POLR1D: variants seen among roughly 807,000 people sequenced by gnomAD.
The protein encoded by POLR1D is RNA polymerase I and III subunit D.
In POLR1D, 8 loss-of-function variants were observed where a neutral mutation model predicts 10.8. The ratio of observed to expected loss-of-function variants is 0.74; its 90% CI spans 0.43 to 1.33. POLR1D has a LOEUF of 1.33. Among genes scored for constraint, POLR1D ranks in the 40% most tolerant of loss-of-function variants. The pLI, the probability that POLR1D is intolerant of heterozygous loss-of-function variation, is 0.01. For missense variants in POLR1D, 152 were observed against 161.7 expected, an observed-to-expected ratio of 0.94 and a Z score of 0.32; for synonymous variants, 54 against 57.2, an observed-to-expected ratio of 0.94 and a Z score of 0.25.
intron 2 of POLR1D, among the ~76,000 whole-genome samples, chr13:27,662,987 T>A (rs997311922): frequency 6.6e-6 from 1 of 152,200 alleles, no homozygotes. Context: ...CACTGTCTCA[T>A]GTAGTGTGAT....
exon 2 of POLR1D, chr13:27,648,429 C>T (rs1956238897): frequency 6.2e-7 from 1 of 1,610,092 alleles, no homozygotes; most frequent in Non-Finnish European, 8.5e-7. Flanking sequence ...AAAACTAGAG[C>T]TGAAACAATG....
At chr13:27,636,887 G>A (rs1452729176) in intron 1 of POLR1D, among the ~76,000 whole-genome samples, 1 of 152,174 alleles carries the variant, frequency 6.6e-6, no homozygotes, top group Non-Finnish European at 1.5e-5. Flanking sequence ...TGGATGAGAT[G>A]GTCCTAATAT....
intron 2 of POLR1D, chr13:27,651,067 A>G (rs994109309): frequency 7.9e-5 from 12 of 152,168 alleles, no homozygotes; most frequent in African/African-American, 2.9e-4. Context: ...TAACCCTTAT[A>G]CCACAGAAAG....
At chr13:27,646,030 A>C (rs956452386) in intron 1 of POLR1D, among the ~76,000 whole-genome samples, 1 of 152,198 alleles carries the variant, frequency 6.6e-6, no homozygotes, top group African/African-American at 2.4e-5. Flanking sequence ...TGACTCAAAT[A>C]AGTTTCTATA....
chr13:27,632,207 A>G (rs1490455206), intron 1 of POLR1D, among the ~76,000 whole-genome samples: 1 of 152,172 alleles, frequency 6.6e-6, no homozygotes, highest in Non-Finnish European at 1.5e-5. Context: ...GGATATTTTT[A>G]CTTTGCAAGA....
intron 1 of POLR1D, among the ~76,000 whole-genome samples, chr13:27,630,429 A>G (rs1012750020): frequency 1.3e-5 from 2 of 152,330 alleles, no homozygotes; most frequent in African/African-American, 4.8e-5. Flanking sequence ...AGTTGGCTTA[A>G]ACAACAGCTT....
intron 1 of POLR1D, 66 bp downstream of exon 1, chr13:27,622,075 C>T (rs566596016): frequency 2.8e-6 from 4 of 1,411,354 alleles, no homozygotes; most frequent in East Asian, 2.4e-5. Flanking sequence ...CCGAGGGGCA[C>T]GCTGCCTGGC....
At chr13:27,645,135 G>A (rs1466060034) in intron 1 of POLR1D, among the ~76,000 whole-genome samples, 1 of 152,170 alleles carries the variant, frequency 6.6e-6, no homozygotes, top group African/African-American at 2.4e-5. Flanking sequence ...GGGAAGTAGC[G>A]AATGCTCAAC....
exon 3 of POLR1D, chr13:27,666,016 A>T: frequency 6.8e-7 from 1 of 1,471,876 alleles, no homozygotes; most frequent in East Asian, 2.3e-5. Flanking sequence ...CGGTGTGCGG[A>T]GAAGGCCTGA....
At chr13:27,625,424 C>A (rs111802146), downstream of POLR1D, among the ~76,000 whole-genome samples, 2 of 152,052 alleles carry the variant, frequency 1.3e-5, no homozygotes, top group Non-Finnish European at 1.5e-5. Flanking sequence ...TGGTACACTT[C>A]AGGAACTGTG....
At chr13:27,659,925 TACACACAC>T (rs1555273998) in intron 2 of POLR1D, among the ~76,000 whole-genome samples, 2 of 149,492 alleles carry the variant, frequency 1.3e-5, no homozygotes, top group Middle Eastern at 3.4e-3. Flanking sequence ...TATATATATA[TACACACAC>T]ATACACACAC....
chr13:27,657,303 G>T, intron 2 of POLR1D, among the ~76,000 whole-genome samples: 1 of 152,270 alleles, frequency 6.6e-6, no homozygotes, highest in Middle Eastern at 3.4e-3. Flanking sequence ...GCCGAGGCAG[G>T]TGGATTGCCC....
chr13:27,631,516 G>A (rs1424995052), intron 1 of POLR1D, among the ~76,000 whole-genome samples: 5 of 152,118 alleles, frequency 3.3e-5, no homozygotes, highest in Non-Finnish European at 5.9e-5. Context: ...CCATCTTAGC[G>A]GCTGCTTACC....
At chr13:27,648,485 T>A in intron 2 of POLR1D, 1 of 1,401,368 alleles carries the variant, frequency 7.1e-7, no homozygotes, top group Non-Finnish European at 1.0e-6. Flanking sequence ...CCTTAAAACT[T>A]AAGAAAAAAT....
intron 1 of POLR1D, among the ~76,000 whole-genome samples, chr13:27,632,738 T>C (rs1381606169): frequency 6.6e-6 from 1 of 151,286 alleles, no homozygotes; most frequent in Non-Finnish European, 1.5e-5. Flanking sequence ...ATATTCATTA[T>C]ATATTGCCTT....
At chr13:27,653,172 T>C (rs1304868685) in intron 2 of POLR1D, among the ~76,000 whole-genome samples, 1 of 152,032 alleles carries the variant, frequency 6.6e-6, no homozygotes, top group African/African-American at 2.4e-5. Context: ...AGTGCTAGGA[T>C]TGCAGGCGTG....
intron 1 of POLR1D, among the ~76,000 whole-genome samples, chr13:27,628,706 A>AT (rs1196261625): frequency 1.3e-5 from 2 of 152,220 alleles, no homozygotes; most frequent in African/African-American, 2.4e-5. Flanking sequence ...TTACCTAACA[A>AT]TTATAGTAAA....
At chr13:27,666,720 T>C (rs1302632909) in exon 3 of POLR1D, 2 of 152,200 alleles carry the variant, frequency 1.3e-5, no homozygotes, top group Non-Finnish European at 2.9e-5. Context: ...TACCACTATA[T>C]AGTATAGTTG....
At position 27,622,013 on chromosome 13, in the gene POLR1D, A is replaced by G; in HGVS notation, c.26+4A>G. 1 of 1,587,338 alleles carries G rather than the reference A, an allele frequency of 6.3e-7. No homozygotes were observed. The highest frequency in any genetic ancestry group is 8.6e-7 in the Non-Finnish European group (1 of 1,167,126). On this transcript the variant is annotated splice_donor_region_variant and intron_variant, in intron 1 of 1. Coordinates refer to ENST00000302979, the MANE Select transcript of POLR1D (RefSeq NM_015972.4). ...AAGAGGATCAGGAGCTGGAGAGGTA[A>G]CGGCCGAGGAGGAGGCGGGCGGAGC...
Sources: gnomAD v4.1 joint callset for allele counts (sites outside exome capture counted in the v4.1 genomes callset) on GRCh38, gnomAD v4.1.1 for gene constraint, MANE v1.5 for transcripts, NCBI Gene and HGNC (gene_info 2026-07-23, HGNC 2026-07-21) for gene names.